GALNTL6: variants seen among roughly 807,000 people sequenced by gnomAD.
GALNTL6 encodes the protein polypeptide N-acetylgalactosaminyltransferase-like 6.
In GALNTL6, 46 loss-of-function variants were observed where a neutral mutation model predicts 73.7. That is an observed-to-expected ratio of 0.62 (90% CI 0.49 to 0.80). GALNTL6 has a LOEUF of 0.80. Among genes scored for constraint, GALNTL6 ranks in the 30% least tolerant of loss-of-function variants. The probability of loss-of-function intolerance (pLI) is 0.00; values close to 1 mark genes in which losing one functional copy is unlikely to be tolerated. For missense variants in GALNTL6, 604 were observed against 755.0 expected, an observed-to-expected ratio of 0.80 and a Z score of 2.34; for synonymous variants, 259 against 263.7, an observed-to-expected ratio of 0.98 and a Z score of 0.17.
chr4:172,407,785 A>G (rs573804191), intron 5 of GALNTL6, among the ~76,000 whole-genome samples: 1 of 152,172 alleles, frequency 6.6e-6, no homozygotes, highest in African/African-American at 2.4e-5. Context: ...ATGCAGAATT[A>G]GCCTCAATAA....
chr4:171,906,077 A>C (rs2110952392), intron 2 of GALNTL6, among the ~76,000 whole-genome samples: 1 of 152,294 alleles, frequency 6.6e-6, no homozygotes, highest in East Asian at 1.9e-4. Flanking sequence ...CATCACATTT[A>C]AAAGAACTAG....
chr4:172,762,010 G>T (rs899334635), intron 5 of GALNTL6, among the ~76,000 whole-genome samples: 7 of 152,232 alleles, frequency 4.6e-5, no homozygotes, highest in Admixed American at 1.3e-4. Context: ...TGACACCAGG[G>T]ACTGTAAACT....
intron 8 of GALNTL6, among the ~76,000 whole-genome samples, chr4:172,913,630 G>T (rs1336731963): frequency 1.3e-5 from 2 of 152,152 alleles, no homozygotes; most frequent in Non-Finnish European, 2.9e-5. Flanking sequence ...TCAAGTGGAA[G>T]AAAGGGTATC....
chr4:171,932,949 G>A (rs1482702978), intron 2 of GALNTL6, among the ~76,000 whole-genome samples: 1 of 152,166 alleles, frequency 6.6e-6, no homozygotes, highest in Non-Finnish European at 1.5e-5. Context: ...AATGTGATCT[G>A]CAGAGCAGCA....
At chr4:171,954,202 T>A (rs1014292278) in intron 2 of GALNTL6, among the ~76,000 whole-genome samples, 3 of 152,224 alleles carry the variant, frequency 2.0e-5, no homozygotes, top group African/African-American at 7.2e-5. Flanking sequence ...AAAATTCTAT[T>A]CATAACTCAT....
chr4:172,682,751 A>G (rs1732697020), intron 5 of GALNTL6, among the ~76,000 whole-genome samples: 1 of 152,152 alleles, frequency 6.6e-6, no homozygotes, highest in Admixed American at 6.5e-5. Flanking sequence ...TGAGAGATTT[A>G]TGATTATGAC....
intron 2 of GALNTL6, among the ~76,000 whole-genome samples, chr4:172,115,672 C>T (rs548748765): frequency 3.3e-5 from 5 of 151,914 alleles, no homozygotes; most frequent in African/African-American, 7.2e-5. Context: ...TGAGTAATTA[C>T]GGGAATGACA....
chr4:172,308,797 T>A (rs1396015086), intron 3 of GALNTL6, among the ~76,000 whole-genome samples: 1 of 152,226 alleles, frequency 6.6e-6, no homozygotes, highest in Non-Finnish European at 1.5e-5. Context: ...GCACGTTATA[T>A]GGCTAATTTC....
intron 10 of GALNTL6, among the ~76,000 whole-genome samples, chr4:172,999,123 A>G (rs1244828918): frequency 1.3e-5 from 2 of 152,202 alleles, no homozygotes; most frequent in South Asian, 2.1e-4. Context: ...TTGGAAACTT[A>G]GAAGAACTCT....
intron 5 of GALNTL6, among the ~76,000 whole-genome samples, chr4:172,752,185 G>A (rs1359786688): frequency 6.6e-6 from 1 of 151,730 alleles, no homozygotes; most frequent in Non-Finnish European, 1.5e-5. Flanking sequence ...GCTTAAAAAA[G>A]TAATATATAT....
At chr4:173,030,937 G>A (rs1257814008) in intron 12 of GALNTL6, among the ~76,000 whole-genome samples, 1 of 151,794 alleles carries the variant, frequency 6.6e-6, no homozygotes, top group Non-Finnish European at 1.5e-5. Context: ...GGAAGGACTA[G>A]GCTACAGTGA....
intron 4 of GALNTL6, among the ~76,000 whole-genome samples, chr4:172,315,251 T>C (rs977820700): frequency 6.6e-6 from 1 of 152,170 alleles, no homozygotes; most frequent in African/African-American, 2.4e-5. Flanking sequence ...AGCCCTACAC[T>C]TTGGGTTGAT....
At chr4:172,096,758 A>T (rs1732369280) in intron 2 of GALNTL6, among the ~76,000 whole-genome samples, 1 of 152,198 alleles carries the variant, frequency 6.6e-6, no homozygotes, top group Non-Finnish European at 1.5e-5. Flanking sequence ...TAAAATAAAG[A>T]ACTGAGTCAA....
At chr4:172,426,480 C>A (rs1422174310) in intron 5 of GALNTL6, among the ~76,000 whole-genome samples, 1 of 152,002 alleles carries the variant, frequency 6.6e-6, no homozygotes, top group East Asian at 1.9e-4. Flanking sequence ...TAAATAGTAT[C>A]CCCGGCACAA....
chr4:171,961,939 T>A (rs1412151215), intron 2 of GALNTL6, among the ~76,000 whole-genome samples: 1 of 152,230 alleles, frequency 6.6e-6, no homozygotes, highest in African/African-American at 2.4e-5. Context: ...ATATTGCTGT[T>A]GTACTCTATG....
intron 2 of GALNTL6, among the ~76,000 whole-genome samples, chr4:171,822,541 C>T (rs1734713673): frequency 1.3e-5 from 2 of 152,120 alleles, no homozygotes; most frequent in South Asian, 4.1e-4. Context: ...GGAAGCTTTA[C>T]AAATAGCAAT....
chr4:171,872,903 A>C (rs1230760361), intron 2 of GALNTL6, among the ~76,000 whole-genome samples: 2 of 152,204 alleles, frequency 1.3e-5, no homozygotes, highest in East Asian at 3.8e-4. Flanking sequence ...CGCTCTCTAC[A>C]TCTGGCAAGA....
intron 2 of GALNTL6, among the ~76,000 whole-genome samples, chr4:171,986,897 G>A (rs1011403291): frequency 9.2e-5 from 14 of 152,184 alleles, no homozygotes; most frequent in Non-Finnish European, 1.8e-4. Flanking sequence ...GGCAGTTTGG[G>A]AATAGTACCA....
chr4:172,291,326 A>G (rs1360648395), intron 3 of GALNTL6, among the ~76,000 whole-genome samples: 3 of 152,250 alleles, frequency 2.0e-5, no homozygotes, highest in East Asian at 3.9e-4. Context: ...AAGTGGCAAG[A>G]TAATATACAT....
Sources: gnomAD v4.1 joint callset for allele counts (sites outside exome capture counted in the v4.1 genomes callset) on GRCh38, gnomAD v4.1.1 for gene constraint, MANE v1.5 for transcripts, NCBI Gene and HGNC (gene_info 2026-07-23, HGNC 2026-07-21) for gene names.